The following UCHL5 variants were observed in gnomAD, a reference collection of about 807,000 sequenced individuals.
UCHL5 encodes the protein ubiquitin C-terminal hydrolase L5.
A neutral mutation model predicts 53.8 loss-of-function variants in UCHL5; 34 were observed. The ratio of observed to expected loss-of-function variants is 0.63; its 90% CI spans 0.48 to 0.84. UCHL5 has a LOEUF of 0.84. Ranked by LOEUF, UCHL5 falls within the 40% of genes least tolerant of loss-of-function variation. The pLI, the probability that UCHL5 is intolerant of heterozygous loss-of-function variation, is 0.00. For missense variants in UCHL5, 290 were observed against 385.6 expected (o/e 0.75, Z 2.08); for synonymous variants, 111 against 126.3 (o/e 0.88, Z 0.81).
intron 7 of UCHL5, 46 bp downstream of exon 7, chr1:193,028,039 C>T (rs1472108435): frequency 1.3e-6 from 2 of 1,583,850 alleles, no homozygotes; most frequent in Non-Finnish European, 1.7e-6. Context: ...TTAAAAAATA[C>T]TTAAAAAACA....
At chr1:193,020,168 T>C (rs1656417503) in intron 10 of UCHL5, 1 of 1,306,046 alleles carries the variant, frequency 7.7e-7, no homozygotes, top group Non-Finnish European at 9.8e-7. Flanking sequence ...GGGTCACATG[T>C]TTCAATCAAT....
intron 3 of UCHL5, among the ~76,000 whole-genome samples, chr1:193,041,653 T>C (rs1665612291): frequency 6.6e-6 from 1 of 152,160 alleles, no homozygotes; most frequent in South Asian, 2.1e-4. Flanking sequence ...CTTGCACATG[T>C]ACAAAAAATG....
In UCHL5 at chr1:193,013,644, C is replaced by CT. The variant is rs367905448; in HGVS notation, c.*2706dup. On this transcript the variant is annotated 3_prime_UTR_variant, in exon 11 of 11. Coordinates refer to ENST00000367454, the MANE Select transcript of UCHL5 (RefSeq NM_001199261.3). ...TTTTGAGGAGAATACATTAAAAGCC[C>CT]TTTTTTTCCCTCAAATAAACAAAAT... is the stretch of plus-strand genomic sequence containing the variant. 75 of 152,116 alleles carry CT rather than the reference C, an allele frequency of 4.9e-4. No individual in the cohort carries two copies. Among genetic ancestry groups the CT allele is most frequent in the African/African-American group, 1.3e-3 (53 of 41,516 alleles). The allele number at this position is 152,116 out of a possible 1,614,324, so 9.4% of individuals were successfully genotyped here.
rs1393671354 is a variant in UCHL5, at chr1:193,029,411, T to G, written c.411A>C (p.Arg137=). ...ACCTGGCGAAACTGTTGTGTACTTG[T>G]CGAATCACATCTGAATTGCTCAGTG... The part of the protein sequence containing the change: ...GLALSNSDVI[R]QVHNSFARQQ... The change falls in exon 5 of 11, where the codon CGA becomes CGC. Residue 137 remains arginine (R), a synonymous_variant. Transcript: ENST00000367454. 2.5e-6 allele frequency: 4 copies of G among 1,613,796 alleles called. No individual in the cohort carries two copies. The highest frequency in any genetic ancestry group is 3.4e-6 in the Non-Finnish European group (4 of 1,179,860).
rs991513278 is a variant in UCHL5, at chr1:193,013,663, A to G, written c.*2688T>C. The G allele has an allele frequency of 2.0e-5, 3 of 152,186 alleles. No homozygotes were observed. Among genetic ancestry groups the G allele is most frequent in the African/African-American group, 7.2e-5 (3 of 41,450 alleles). 9.4% of individuals were successfully genotyped at this position (152,186 alleles called of 1,614,324 possible). ...AAAGCCCTTTTTTTCCCTCAAATAA[A>G]CAAAATCCTCCTACAGGATAAAAAT... On this transcript the variant is annotated 3_prime_UTR_variant, in exon 11 of 11. Transcript: ENST00000367454.
chr1:193,035,110 T>C (rs1662885125), intron 3 of UCHL5, among the ~76,000 whole-genome samples: 1 of 151,884 alleles, frequency 6.6e-6, no homozygotes, highest in Non-Finnish European at 1.5e-5. Context: ...ATACCTGATA[T>C]GGTCATTTTG....
Position 193,016,299 on chromosome 1 carries a change from T to A in UCHL5, c.*52A>T. On this transcript the variant is annotated 3_prime_UTR_variant, in exon 11 of 11. Coordinates refer to ENST00000367454, the MANE Select transcript of UCHL5 (RefSeq NM_001199261.3). Reference sequence around the variant, plus strand: ...CTCTAAGTTCTTTATACATAATGGTTTCCATGAAAATATGTGCAGAAGCAG... The same window carrying A: ...CTCTAAGTTCTTTATACATAATGGTATCCATGAAAATATGTGCAGAAGCAG... 6.3e-7 allele frequency: 1 copy of A among 1,590,622 alleles called. No homozygotes were observed. Among genetic ancestry groups the A allele is most frequent in the South Asian group, 1.2e-5 (1 of 86,660 alleles).
At chr1:193,053,720 C>A (rs1669773990) in intron 1 of UCHL5, among the ~76,000 whole-genome samples, 1 of 152,054 alleles carries the variant, frequency 6.6e-6, no homozygotes, top group Non-Finnish European at 1.5e-5. Context: ...ACAATAAACA[C>A]AAAGAATCAC....
At chr1:193,042,456 G>A (rs1203471020) in intron 3 of UCHL5, among the ~76,000 whole-genome samples, 1 of 151,992 alleles carries the variant, frequency 6.6e-6, no homozygotes. Flanking sequence ...TCCCATTCTG[G>A]GTACCTTAAG....
intron 10 of UCHL5, among the ~76,000 whole-genome samples, chr1:193,017,284 C>T (rs1360719602): frequency 1.3e-5 from 2 of 151,648 alleles, no homozygotes; most frequent in Non-Finnish European, 3.0e-5. Context: ...ATGAATTAGA[C>T]TTCTACATTA....
intron 1 of UCHL5, among the ~76,000 whole-genome samples, chr1:193,058,736 A>G (rs1671670995): frequency 6.6e-6 from 1 of 152,236 alleles, no homozygotes; most frequent in Non-Finnish European, 1.5e-5. Flanking sequence ...GGGCGGCTTG[A>G]GCCGCAGACA....
At chr1:193,035,021 T>C (rs1662853018) in intron 3 of UCHL5, among the ~76,000 whole-genome samples, 2 of 146,836 alleles carry the variant, frequency 1.4e-5, no homozygotes, top group Admixed American at 1.4e-4. Flanking sequence ...TATTGGAGGG[T>C]CTTAGCTAGG....
intron 3 of UCHL5, among the ~76,000 whole-genome samples, chr1:193,031,106 G>A (rs1196078003): frequency 6.6e-6 from 1 of 152,156 alleles, no homozygotes; most frequent in African/African-American, 2.4e-5. Flanking sequence ...CAGTTCTTTA[G>A]TAAATTTGGA....
At chr1:193,024,050 A>G (rs1658175073) in intron 7 of UCHL5, 104 bp from the exon 8 acceptor site, 2 of 822,336 alleles carry the variant, frequency 2.4e-6, no homozygotes, top group African/African-American at 1.8e-5. Context: ...AGTATAAACA[A>G]AAGTCTATCA....
intron 9 of UCHL5, among the ~76,000 whole-genome samples, chr1:193,021,979 C>A (rs1038530112): frequency 4.6e-5 from 7 of 152,018 alleles, no homozygotes; most frequent in African/African-American, 1.7e-4. Flanking sequence ...GTATTTTGGG[C>A]AGATATTAAA....
At chr1:193,027,203 T>C (rs548410937) in intron 7 of UCHL5, among the ~76,000 whole-genome samples, 2 of 152,300 alleles carry the variant, frequency 1.3e-5, no homozygotes, top group South Asian at 2.1e-4. Context: ...TATTACACTA[T>C]AGTTTTGCAA....
upstream of UCHL5, chr1:193,059,632 C>G: frequency 7.1e-7 from 1 of 1,401,426 alleles, no homozygotes. The surrounding 1 kb of genome is among the most constrained non-coding windows in gnomAD (Gnocchi z 4.9). Context: ...GGGAACCGAA[C>G]CTGGAATCCC....
intron 3 of UCHL5, among the ~76,000 whole-genome samples, chr1:193,035,151 C>A (rs892701955): frequency 1.1e-4 from 16 of 151,370 alleles, no homozygotes; most frequent in African/African-American, 3.4e-4. Context: ...GAAAAAAAAA[C>A]AAATTATTAG....
Position 193,029,205 on chromosome 1 carries a change from C to G in UCHL5, c.539G>C (p.Gly180Ala). 6.2e-7 allele frequency: 1 copy of G among 1,613,268 alleles called. No homozygotes were observed. Among genetic ancestry groups the G allele is most frequent in the Non-Finnish European group, 8.5e-7 (1 of 1,179,682 alleles). The change falls in exon 6 of 11, where the codon GGA becomes GCA. Residue 180 changes from glycine (G) to alanine (A), a missense_variant. Physicochemically the swap from Gly to Ala is moderately conservative, Grantham distance 60 (BLOSUM62 0). Transcript: ENST00000367454. ...PVNGRLYELDGLREGPIDLGA... is the reference protein window; with the variant it reads ...PVNGRLYELDALREGPIDLGA... ...TAAATCAATCGGTCCTTCTCTTAAT[C>G]CATCTAATTCATACAGTCTCCCATT...
Sources: gnomAD v4.1 joint callset for allele counts (sites outside exome capture counted in the v4.1 genomes callset) on GRCh38, gnomAD v4.1.1 for gene constraint, Gnocchi (gnomAD v3.1) non-coding constraint, MANE v1.5 for transcripts, NCBI Gene and HGNC (gene_info 2026-07-23, HGNC 2026-07-21) for gene names.